Variants in AKAP5 observed in about 807,000 individuals in gnomAD.
The protein encoded by AKAP5 is A-kinase anchoring protein 5.
Under a neutral mutation model 13.8 loss-of-function variants are expected in AKAP5, and 5 were observed. That is an observed-to-expected ratio of 0.36 (90% CI 0.19 to 0.76). The LOEUF (loss-of-function observed/expected upper bound fraction) is 0.76. Among genes scored for constraint, AKAP5 ranks in the 30% least tolerant of loss-of-function variants. The pLI, the probability that AKAP5 is intolerant of heterozygous loss-of-function variation, is 0.51. For missense variants in AKAP5, 406 were observed against 484.4 expected (o/e 0.84, Z 1.52); for synonymous variants, 148 against 167.2 (o/e 0.89, Z 0.89).
chr14:64,470,367 A>C lies in AKAP5; in HGVS notation c.*689A>C, dbSNP rs2141004907. On this transcript the variant is annotated 3_prime_UTR_variant, in exon 2 of 2. Coordinates refer to ENST00000394718, the MANE Select transcript of AKAP5 (RefSeq NM_004857.3). ...CACTTTGGGAGGCCAAGGCGGGTGG[A>C]TCAGCTAAGGTCAGGAGTTCGAGAC... 6.0e-6 allele frequency: 1 copy of C among 165,820 alleles called. No individual in the cohort carries two copies. The highest frequency in any genetic ancestry group is 2.4e-5 in the African/African-American group (1 of 41,574). The allele number at this position is 165,820 out of a possible 1,614,324, so 10.3% of individuals were successfully genotyped here.
Position 64,468,371 on chromosome 14 carries a change from AGAG to A in AKAP5, c.-23_-21del. ...TAAGGAAGAGAGAATACAGTTTTCT[AGAG>A]AATAAGAGTGCAGTGTAAAAATGGA... On this transcript the variant is annotated 5_prime_UTR_variant, in exon 2 of 2. Transcript: ENST00000394718. 1 of 1,553,806 alleles carries A rather than the reference AGAG, an allele frequency of 6.4e-7. No individual in the cohort carries two copies. The highest frequency in any genetic ancestry group is 8.7e-7 in the Non-Finnish European group (1 of 1,153,994).
In AKAP5 at chr14:64,470,986, C is replaced by T. The variant is rs61985663; in HGVS notation, c.*1308C>T. ...TAATAATCTAGTGCAAATATTTATT[C>T]TCGGCCAAAAATGAGCCATGAATGT... On this transcript the variant is annotated 3_prime_UTR_variant, in exon 2 of 2. Transcript: ENST00000394718. The T allele has an allele frequency of 0.25, 40,917 of 166,760 alleles. 5,776 individuals are homozygous for T. Among genetic ancestry groups the T allele is most frequent in the East Asian group, 0.41 (2,128 of 5,150 alleles). 10.3% of individuals were successfully genotyped at this position (166,760 alleles called of 1,614,324 possible).
rs1460979710 is a variant in AKAP5 at position 64,473,982 on chromosome 14, A to T, written c.*4304A>T. On this transcript the variant is annotated 3_prime_UTR_variant, in exon 2 of 2. Transcript: ENST00000394718. ...TACATAAAATTCAGGTGTCCTAATT[A>T]AATTCAATTTGATTCAACACACGTA... is the stretch of plus-strand genomic sequence containing the variant. 1.2e-5 allele frequency: 2 copies of T among 166,988 alleles called. No individual in the cohort carries two copies. The highest frequency in any genetic ancestry group is 2.9e-5 in the Non-Finnish European group (2 of 68,118). The allele number at this position is 166,988 out of a possible 1,614,324, so 10.3% of individuals were successfully genotyped here.
rs565117371 is a variant in AKAP5 at position 64,469,111 on chromosome 14, A to G, written c.717A>G (p.Lys239=). ...AAGAAATTGAAACGATCAAGGAAAA[A>G]CAAGATGTTCAACCCCAGCAAGCAA... ...ILEEIETIKE[K]QDVQPQQASP... is the part of the protein sequence containing the mutation. Residue 239 remains lysine (K), a synonymous_variant, in exon 2 of 2, where the codon AAA becomes AAG. Transcript: ENST00000394718. The G allele has an allele frequency of 1.4e-5, 23 of 1,614,086 alleles. No individual in the cohort carries two copies. The South Asian group carries it at 2.5e-4, about 18-fold the overall frequency.
At position 64,470,846 on chromosome 14, in the gene AKAP5, A is replaced by G. The variant is rs931886531; in HGVS notation, c.*1168A>G. ...AATTCCCAAGTAAATTATCACAGAT[A>G]ATATAGGATTCATCTTGCAGAATTA... On this transcript the variant is annotated 3_prime_UTR_variant, in exon 2 of 2. Transcript: ENST00000394718. 1 of 167,040 alleles carries G rather than the reference A, an allele frequency of 6.0e-6. No homozygotes were observed. The highest frequency in any genetic ancestry group is 2.1e-4 in the South Asian group (1 of 4,838). The allele number at this position is 167,040 out of a possible 1,614,324, so 10.3% of individuals were successfully genotyped here. A position where few individuals can be genotyped will look rare whatever the true frequency, so the allele number is the denominator to read the frequency against.
At position 64,469,245 on chromosome 14, in the gene AKAP5, C is replaced by T. The variant is rs1390494179; in HGVS notation, c.851C>T (p.Thr284Ile). 1.2e-6 allele frequency: 2 copies of T among 1,613,776 alleles called. No homozygotes were observed. The highest frequency in any genetic ancestry group is 1.3e-5 in the African/African-American group (1 of 74,998). Residue 284 changes from threonine to isoleucine, a missense_variant, in exon 2 of 2, where the codon ACC (threonine) becomes ATC (isoleucine). Coordinates refer to ENST00000394718, the MANE Select transcript of AKAP5 (RefSeq NM_004857.3). ...ATTGTGGAAGAAGCCAGTAACAGTA[C>T]CCTAGAAAGTGCACCAAATGGAAAA... is the stretch of plus-strand genomic sequence containing the variant. Reference protein sequence around the residue: ...QQIVEEASNSTLESAPNGKDY... With the variant: ...QQIVEEASNSILESAPNGKDY...
Position 64,471,547 on chromosome 14 carries a change from T to C in AKAP5, c.*1869T>C, listed in dbSNP as rs1275116032. On this transcript the variant is annotated 3_prime_UTR_variant, in exon 2 of 2. Transcript: ENST00000394718. ...ATTGAAAGGGAAGCATCTGATCTCA[T>C]CAATGATTGCCATATTTTTTGAAAA... 1.8e-5 allele frequency: 3 copies of C among 167,262 alleles called. No individual in the cohort carries two copies. The South Asian group carries it at 6.2e-4, about 35-fold the overall frequency. 10.4% of individuals were successfully genotyped at this position (167,262 alleles called of 1,614,324 possible).
chr14:64,470,999 G>T lies in AKAP5; in HGVS notation c.*1321G>T, dbSNP rs997249977. On this transcript the variant is annotated 3_prime_UTR_variant, in exon 2 of 2. Transcript: ENST00000394718. The stretch of plus-strand genomic sequence containing the variant: ...CAAATATTTATTCTCGGCCAAAAAT[G>T]AGCCATGAATGTGGGTGAATAGAAA... 1.8e-5 allele frequency: 3 copies of T among 167,038 alleles called. No homozygotes were observed. The highest frequency in any genetic ancestry group is 7.2e-5 in the African/African-American group (3 of 41,426). The allele number at this position is 167,038 out of a possible 1,614,324, so 10.3% of individuals were successfully genotyped here.
Position 64,469,053 on chromosome 14 carries a change from A to C in AKAP5, c.659A>C (p.His220Pro), listed in dbSNP as rs769694792. 5 of 1,614,060 alleles carry C rather than the reference A, an allele frequency of 3.1e-6. No individual in the cohort carries two copies. The East Asian group carries it at 1.1e-4, about 36-fold the overall frequency. The change falls in exon 2 of 2, where the codon CAT (histidine) becomes CCT (proline). Residue 220 changes from histidine to proline, a missense_variant. His to Pro is a moderately conservative substitution (Grantham distance 77). Transcript: ENST00000394718. The part of the protein sequence containing the change: ...ISVELGLDNG[H>P]SAIQTGTLIL... Reference sequence around the variant, plus strand: ...GTAGAACTTGGATTAGATAATGGGCATTCTGCTATTCAAACGGGAACTCTA... The same window carrying C: ...GTAGAACTTGGATTAGATAATGGGCCTTCTGCTATTCAAACGGGAACTCTA...
At position 64,473,922 on chromosome 14, in the gene AKAP5, G is replaced by C. The variant is rs1383726705; in HGVS notation, c.*4244G>C. On this transcript the variant is annotated 3_prime_UTR_variant, in exon 2 of 2. Coordinates refer to ENST00000394718, the MANE Select transcript of AKAP5 (RefSeq NM_004857.3). Reference sequence around the variant, plus strand: ...ATGGTACATTTTGAAAAGAAAATTTGTAATGCTCCTTAGTTACAAAAATTA... The same window carrying C: ...ATGGTACATTTTGAAAAGAAAATTTCTAATGCTCCTTAGTTACAAAAATTA... 6.0e-6 allele frequency: 1 copy of C among 166,622 alleles called. No individual in the cohort carries two copies. 10.3% of individuals were successfully genotyped at this position (166,622 alleles called of 1,614,324 possible).
rs1449190589 is a variant in AKAP5 at position 64,469,316 on chromosome 14, G to C, written c.922G>C (p.Asp308His). The change falls in exon 2 of 2, where the codon GAT becomes CAT. Residue 308 changes from aspartate (D) to histidine (H), a missense_variant. Asp to His is a moderately conservative substitution (Grantham distance 81, BLOSUM62 -1). Coordinates refer to ENST00000394718, the MANE Select transcript of AKAP5 (RefSeq NM_004857.3). ...EIVAEETKPK[D>H]TELSQESDFK... Reference sequence around the variant, plus strand: ...TGTAGCTGAAGAAACTAAGCCAAAAGATACTGAATTGAGCCAAGAATCAGA... The same window carrying C: ...TGTAGCTGAAGAAACTAAGCCAAAACATACTGAATTGAGCCAAGAATCAGA... 3 of 1,613,304 alleles carry C rather than the reference G, an allele frequency of 1.9e-6. No homozygotes were observed.
Position 64,474,351 on chromosome 14 carries a change from G to C in AKAP5, c.*4673G>C, listed in dbSNP as rs1018394107. 1.0e-4 allele frequency: 17 copies of C among 167,054 alleles called. No individual in the cohort carries two copies. The highest frequency in any genetic ancestry group is 4.1e-4 in the African/African-American group (17 of 41,434). The allele number at this position is 167,054 out of a possible 1,614,324, so 10.3% of individuals were successfully genotyped here. ...AAATGTTAAGTGGATGAGCTATTATGAAAGTAAAAGTTTCATTTTTTCTCA... is the reference window on the plus strand; with the variant it reads ...AAATGTTAAGTGGATGAGCTATTATCAAAGTAAAAGTTTCATTTTTTCTCA... On this transcript the variant is annotated 3_prime_UTR_variant, in exon 2 of 2. Coordinates refer to ENST00000394718, the MANE Select transcript of AKAP5 (RefSeq NM_004857.3).
rs1321436150 is a variant in AKAP5, at chr14:64,472,057, A to G, written c.*2379A>G. On this transcript the variant is annotated 3_prime_UTR_variant, in exon 2 of 2. Coordinates refer to ENST00000394718, the MANE Select transcript of AKAP5 (RefSeq NM_004857.3). Reference sequence around the variant, plus strand: ...GAGGGTGGAAATCCTGAGCAAGATGAAAAGTGTCATTCAAAACACATGACC... The same window carrying G: ...GAGGGTGGAAATCCTGAGCAAGATGGAAAGTGTCATTCAAAACACATGACC... The G allele has an allele frequency of 1.2e-5, 2 of 166,670 alleles. No individual in the cohort carries two copies. Among genetic ancestry groups the G allele is most frequent in the Non-Finnish European group, 2.9e-5 (2 of 68,110 alleles). The allele number at this position is 166,670 out of a possible 1,614,324, so 10.3% of individuals were successfully genotyped here. A position where few individuals can be genotyped will look rare whatever the true frequency, so the allele number is the denominator to read the frequency against.
Position 64,473,709 on chromosome 14 carries a change from T to C in AKAP5, c.*4031T>C, listed in dbSNP as rs1016801707. The C allele has an allele frequency of 6.0e-6, 1 of 167,048 alleles. No homozygotes were observed. Among genetic ancestry groups the C allele is most frequent in the African/African-American group, 2.4e-5 (1 of 41,464 alleles). 10.3% of individuals were successfully genotyped at this position (167,048 alleles called of 1,614,324 possible). ...TTTTAATGTCAACTTTATTGAAATA[T>C]GTAGTCTACTTTCTAATTTCATCTG... On this transcript the variant is annotated 3_prime_UTR_variant, in exon 2 of 2. Coordinates refer to ENST00000394718, the MANE Select transcript of AKAP5 (RefSeq NM_004857.3).
chr14:64,469,807 C>G lies in AKAP5; in HGVS notation c.*129C>G. ...TAGAACTTAAAAGGTACAATTCCAGCGCAGAAGTGCTAAAGATTAAGTCAA... is the reference window on the plus strand; with the variant it reads ...TAGAACTTAAAAGGTACAATTCCAGGGCAGAAGTGCTAAAGATTAAGTCAA... On this transcript the variant is annotated 3_prime_UTR_variant, in exon 2 of 2. Transcript: ENST00000394718. 1.5e-6 allele frequency: 1 copy of G among 669,398 alleles called. No homozygotes were observed. The highest frequency in any genetic ancestry group is 2.4e-6 in the Non-Finnish European group (1 of 409,980). The allele number at this position is 669,398 out of a possible 1,614,324, so 41.5% of individuals were successfully genotyped here. A position where few individuals can be genotyped will look rare whatever the true frequency, so the allele number is the denominator to read the frequency against.
rs61757553 is a variant in AKAP5, at chr14:64,469,410, C to T, written c.1016C>T (p.Ala339Val). ...SEESKRMEPIAIIITDTEISE... is the reference protein window; with the variant it reads ...SEESKRMEPIVIIITDTEISE... Reference sequence around the variant, plus strand: ...GAAAGCAAAAGAATGGAGCCAATTGCTATTATTATTACAGACACTGAAATC... The same window carrying T: ...GAAAGCAAAAGAATGGAGCCAATTGTTATTATTATTACAGACACTGAAATC... Residue 339 changes from alanine to valine, a missense_variant, in exon 2 of 2, where the codon GCT becomes GTT. Coordinates refer to ENST00000394718, the MANE Select transcript of AKAP5 (RefSeq NM_004857.3). The T allele has an allele frequency of 1.4e-5, 23 of 1,613,784 alleles. No individual in the cohort carries two copies. In the East Asian group the frequency reaches 2.5e-4, roughly 17 times the overall value.
rs1009596419 is a variant in AKAP5 at position 64,469,126 on chromosome 14, C to A, written c.732C>A (p.Pro244=). Residue 244 remains proline, a synonymous_variant, in exon 2 of 2, where the codon CCC becomes CCA. Coordinates refer to ENST00000394718, the MANE Select transcript of AKAP5 (RefSeq NM_004857.3). The stretch of plus-strand genomic sequence containing the variant: ...TCAAGGAAAAACAAGATGTTCAACC[C>A]CAGCAAGCAAGCCCACTTGAAACTT... ...ETIKEKQDVQ[P]QQASPLETSE... is the part of the protein sequence containing the mutation. 3 of 1,614,060 alleles carry A rather than the reference C, an allele frequency of 1.9e-6. No individual in the cohort carries two copies. The highest frequency in any genetic ancestry group is 2.5e-6 in the Non-Finnish European group (3 of 1,180,020).
At position 64,468,680 on chromosome 14, in the gene AKAP5, A is replaced by G; in HGVS notation, c.286A>G (p.Lys96Glu). The stretch of plus-strand genomic sequence containing the variant: ...ACGCAGGAAAAGGTCAGAGTCTTCA[A>G]AGCAGCAAAAGCCATTGGAGGGTGA... ...VTRRKRSESS[K>E]QQKPLEGEMQ... Residue 96 changes from lysine (K) to glutamate (E), a missense_variant, in exon 2 of 2, where the codon AAG (lysine) becomes GAG (glutamate). Coordinates refer to ENST00000394718, the MANE Select transcript of AKAP5 (RefSeq NM_004857.3). The G allele has an allele frequency of 6.2e-7, 1 of 1,614,102 alleles. No individual in the cohort carries two copies. Among genetic ancestry groups the G allele is most frequent in the Non-Finnish European group, 8.5e-7 (1 of 1,180,044 alleles).
Position 64,471,095 on chromosome 14 carries a change from C to T in AKAP5, c.*1417C>T, listed in dbSNP as rs2078665038. The T allele has an allele frequency of 6.0e-6, 1 of 166,504 alleles. No homozygotes were observed. The allele number at this position is 166,504 out of a possible 1,614,324, so 10.3% of individuals were successfully genotyped here. ...TTCCTTCATGTCTGTGTGTTGAGAC[C>T]AGTAAAAAGCATTTTACATGAATAT... On this transcript the variant is annotated 3_prime_UTR_variant, in exon 2 of 2. Transcript: ENST00000394718.
Sources: gnomAD v4.1 joint callset for allele counts on GRCh38, gnomAD v4.1.1 for gene constraint, MANE v1.5 for transcripts, NCBI Gene and HGNC (gene_info 2026-07-23, HGNC 2026-07-21) for gene names.